Variants in NMNAT3 observed in about 807,000 individuals in gnomAD.
The protein encoded by NMNAT3 is nicotinamide/nicotinic acid mononucleotide adenylyltransferase 3.
Under a neutral mutation model 24.8 loss-of-function variants are expected in NMNAT3, and 21 were observed. That is an observed-to-expected ratio of 0.85 (90% CI 0.60 to 1.22). NMNAT3 has a LOEUF of 1.22. Ranked by LOEUF, NMNAT3 falls within the 50% of genes most tolerant of loss-of-function variation. The pLI, the probability that NMNAT3 is intolerant of heterozygous loss-of-function variation, is 0.00. For missense variants in NMNAT3, 387 were observed against 436.6 expected (o/e 0.89, Z 1.01); for synonymous variants, 136 against 155.2 (o/e 0.88, Z 0.92).
intron 3 of NMNAT3, among the ~76,000 whole-genome samples, chr3:139,618,138 A>C (rs1159107041): frequency 6.6e-6 from 1 of 152,230 alleles, no homozygotes; most frequent in Non-Finnish European, 1.5e-5. Context: ...TCCACAGATA[A>C]CACACAATTG....
chr3:139,624,517 G>A lies in NMNAT3; in HGVS notation c.109+3099C>T, dbSNP rs549798221. On this transcript the variant is annotated intron_variant, in intron 3 of 6. Transcript: ENST00000643695. ...GGCTGGAGTGCAGTGGCACGATCTCGGCTCACTGCAACCTCTGCCTCTCGG... is the reference window on the plus strand; with the variant it reads ...GGCTGGAGTGCAGTGGCACGATCTCAGCTCACTGCAACCTCTGCCTCTCGG... Among the ~76,000 whole-genome samples the A allele has an allele frequency of 7.9e-5, 12 of 151,312 alleles. No homozygotes were observed. In the South Asian group the frequency reaches 2.3e-3, roughly 29 times the overall value.
intron 1 of NMNAT3, among the ~76,000 whole-genome samples, chr3:139,660,480 T>C (rs2057379700): frequency 6.6e-6 from 1 of 152,238 alleles, no homozygotes; most frequent in Non-Finnish European, 1.5e-5. Context: ...GCAGATACAT[T>C]GATCTTATAC....
chr3:139,665,536 G>C (rs1475923151), intron 1 of NMNAT3, among the ~76,000 whole-genome samples: 1 of 152,170 alleles, frequency 6.6e-6, no homozygotes, highest in Non-Finnish European at 1.5e-5. Flanking sequence ...TGTGGGAAGA[G>C]GATGACCATG....
intron 6 of NMNAT3, chr3:139,571,531 A>T (rs1269225963): frequency 1.3e-5 from 2 of 152,080 alleles, no homozygotes; most frequent in Non-Finnish European, 2.9e-5. Flanking sequence ...TTTTTTAAAT[A>T]GTTACTTTAG....
At chr3:139,604,685 G>A (rs2054861873) in intron 3 of NMNAT3, among the ~76,000 whole-genome samples, 1 of 152,182 alleles carries the variant, frequency 6.6e-6, no homozygotes, top group African/African-American at 2.4e-5. Context: ...TTAACACACT[G>A]TCTGCACATT....
chr3:139,668,670 G>T (rs1337476551), intron 1 of NMNAT3, among the ~76,000 whole-genome samples: 1 of 152,206 alleles, frequency 6.6e-6, no homozygotes, highest in Non-Finnish European at 1.5e-5. Context: ...AAATGGCAGG[G>T]ACAAGTACAA....
At position 139,652,914 on chromosome 3, in the gene NMNAT3, A is replaced by G. The variant is rs2057103389; in HGVS notation, c.-140-14852T>C. On this transcript the variant is annotated intron_variant, in intron 1 of 6. Coordinates refer to ENST00000643695, the MANE Select transcript of NMNAT3 (RefSeq NM_001320510.2). The stretch of plus-strand genomic sequence containing the variant: ...CCAGAAGCAAAAGTGACCAGAGAAA[A>G]GCAGGTATGCGCCTCACCAGTGAGA... Among the ~76,000 whole-genome samples, 3 of 152,224 alleles carry G rather than the reference A, an allele frequency of 2.0e-5. No individual in the cohort carries two copies. In the South Asian group the frequency reaches 6.2e-4, roughly 31 times the overall value.
intron 3 of NMNAT3, among the ~76,000 whole-genome samples, chr3:139,613,387 C>T (rs1470922028): frequency 6.6e-6 from 1 of 152,188 alleles, no homozygotes; most frequent in Non-Finnish European, 1.5e-5. Context: ...TGAAAAAATG[C>T]TCATCATCAC....
At chr3:139,600,345 G>T (rs1446720016) in intron 3 of NMNAT3, among the ~76,000 whole-genome samples, 4 of 149,348 alleles carry the variant, frequency 2.7e-5, no homozygotes, top group Non-Finnish European at 5.9e-5. Flanking sequence ...TGCTCTTGTA[G>T]CACTGGCTAG....
chr3:139,609,151 G>A (rs1362117525), intron 3 of NMNAT3, among the ~76,000 whole-genome samples: 3 of 152,182 alleles, frequency 2.0e-5, no homozygotes, highest in African/African-American at 7.2e-5. Flanking sequence ...GGACATTTGG[G>A]TGGTTTCTAG....
At chr3:139,631,898 T>A (rs140839752) in intron 2 of NMNAT3, among the ~76,000 whole-genome samples, 423 of 152,324 alleles carry the variant, frequency 2.8e-3, no homozygotes, top group African/African-American at 9.5e-3. Flanking sequence ...GTCATTTTTT[T>A]AATGCATGTT....
chr3:139,659,698 T>A (rs1394143483), intron 1 of NMNAT3, among the ~76,000 whole-genome samples: 1 of 152,214 alleles, frequency 6.6e-6, no homozygotes, highest in African/African-American at 2.4e-5. Flanking sequence ...TGGATGCACA[T>A]TAGAACCAGC....
intron 1 of NMNAT3, among the ~76,000 whole-genome samples, chr3:139,662,213 T>C (rs1664112643): frequency 6.6e-6 from 1 of 152,108 alleles, no homozygotes; most frequent in Non-Finnish European, 1.5e-5. Flanking sequence ...ATGCCGGTTG[T>C]CTCTCTTCTC....
intron 3 of NMNAT3, among the ~76,000 whole-genome samples, chr3:139,587,328 T>C (rs1576582429): frequency 6.6e-6 from 1 of 152,272 alleles, no homozygotes; most frequent in East Asian, 1.9e-4. Context: ...CCAGGGACTA[T>C]GGCATTGACA....
At chr3:139,584,816 A>G (rs562384018) in intron 3 of NMNAT3, among the ~76,000 whole-genome samples, 17 of 152,330 alleles carry the variant, frequency 1.1e-4, no homozygotes, top group South Asian at 6.2e-4. Flanking sequence ...TGTTCTGTCC[A>G]TTCAGTCAAG....
chr3:139,564,978 A>G (rs968466206), intron 6 of NMNAT3, among the ~76,000 whole-genome samples: 1 of 152,210 alleles, frequency 6.6e-6, no homozygotes, highest in African/African-American at 2.4e-5. Flanking sequence ...AGTCTTTTCT[A>G]TTTAGACATG....
intron 1 of NMNAT3, among the ~76,000 whole-genome samples, chr3:139,645,943 G>A (rs562631180): frequency 3.6e-4 from 55 of 152,324 alleles, no homozygotes; most frequent in African/African-American, 1.3e-3. Context: ...TGAGAGGAAA[G>A]AGGAAGGGTA....
At chr3:139,593,899 G>T (rs1482337354) in intron 3 of NMNAT3, among the ~76,000 whole-genome samples, 2 of 145,296 alleles carry the variant, frequency 1.4e-5, no homozygotes, top group Non-Finnish European at 3.0e-5. Flanking sequence ...ACAATTAAAA[G>T]AACTAGAAAA....
At chr3:139,566,172 G>A (rs1937169667) in intron 6 of NMNAT3, 1 of 152,162 alleles carries the variant, frequency 6.6e-6, no homozygotes, top group Non-Finnish European at 1.5e-5. Flanking sequence ...TTTGAGAAGT[G>A]TCTGTTCATA....
Sources: gnomAD v4.1 joint callset for allele counts (sites outside exome capture counted in the v4.1 genomes callset) on GRCh38, gnomAD v4.1.1 for gene constraint, MANE v1.5 for transcripts, NCBI Gene and HGNC (gene_info 2026-07-23, HGNC 2026-07-21) for gene names.